MMP16: variants seen among roughly 807,000 people sequenced by gnomAD.
MMP16 encodes the protein matrix metallopeptidase 16, also known as matrix metalloproteinase-16.
Under a neutral mutation model 67.8 loss-of-function variants are expected in MMP16, and 12 were observed. The observed-to-expected ratio is 0.18, with a 90% CI of 0.11 to 0.29. The LOEUF (loss-of-function observed/expected upper bound fraction) is 0.29. MMP16 is among the 10% of genes least tolerant of loss of function. The pLI is 1.00. For synonymous variants in MMP16, 249 were observed against 255.9 expected (o/e 0.97, Z 0.26); for missense variants, 475 against 765.7 (o/e 0.62, Z 4.48).
intron 4 of MMP16, among the ~76,000 whole-genome samples, chr8:88,159,001 C>T (rs11779026): frequency 0.047 from 7,146 of 152,116 alleles, 226 homozygotes; most frequent in Non-Finnish European, 0.079. Context: ...TTTCTGAGGG[C>T]TCTGTTCTGT....
chr8:88,320,169 T>G (rs1811436393), intron 1 of MMP16, among the ~76,000 whole-genome samples: 1 of 152,158 alleles, frequency 6.6e-6, no homozygotes, highest in Non-Finnish European at 1.5e-5. Context: ...TTTACATATT[T>G]TTAAAAGGAA....
chr8:88,133,259 C>T (rs537615805), intron 4 of MMP16, among the ~76,000 whole-genome samples: 41 of 151,892 alleles, frequency 2.7e-4, no homozygotes, highest in African/African-American at 8.9e-4. Context: ...TCAAAATCTG[C>T]TACTTTTCAA....
At chr8:88,172,533 T>C (rs1363678520) in intron 3 of MMP16, among the ~76,000 whole-genome samples, 1 of 152,170 alleles carries the variant, frequency 6.6e-6, no homozygotes, top group African/African-American at 2.4e-5. Context: ...GGTAATAAGA[T>C]TGCTACTAAC....
intron 3 of MMP16, among the ~76,000 whole-genome samples, chr8:88,178,150 C>A (rs1808923338): frequency 6.6e-6 from 1 of 152,002 alleles, no homozygotes; most frequent in Non-Finnish European, 1.5e-5. Flanking sequence ...CCACTTTCAA[C>A]AAAAAATTAC....
chr8:88,223,140 G>A (rs1177994450), intron 1 of MMP16, among the ~76,000 whole-genome samples: 1 of 152,136 alleles, frequency 6.6e-6, no homozygotes, highest in Non-Finnish European at 1.5e-5. Flanking sequence ...AAACCACAAT[G>A]AGATAACATC....
chr8:88,057,958 G>A (rs1274287558), intron 7 of MMP16, among the ~76,000 whole-genome samples: 1 of 151,880 alleles, frequency 6.6e-6, no homozygotes, highest in African/African-American at 2.4e-5. Flanking sequence ...AACTACTGAA[G>A]GCTTGAAAAC....
rs372971888 is a variant in MMP16 at position 88,162,181 on chromosome 8, AAAATTAATAACCAAGT to A, written c.709+5472_709+5487del. Among the ~76,000 whole-genome samples the A allele has an allele frequency of 6.0e-3, 912 of 152,136 alleles. 3 individuals are homozygous for A. The highest frequency in any genetic ancestry group is 0.021 in the African/African-American group (865 of 41,544). On this transcript the variant is annotated intron_variant, in intron 4 of 9. Transcript: ENST00000286614. Reference sequence around the variant, plus strand: ...CTTTCCAACTGCACATAAGGATCTAAAAATTAATAACCAAGTAGAGACTGCGCAGTAATCATGTAAG... The same window carrying A: ...CTTTCCAACTGCACATAAGGATCTAAAGAGACTGCGCAGTAATCATGTAAG...
chr8:88,317,013 G>A (rs1416823801), intron 1 of MMP16, among the ~76,000 whole-genome samples: 1 of 152,132 alleles, frequency 6.6e-6, no homozygotes, highest in Non-Finnish European at 1.5e-5. Flanking sequence ...AAACTTTAAT[G>A]AATGAGGAGG....
intron 1 of MMP16, among the ~76,000 whole-genome samples, chr8:88,201,398 A>C (rs1047010880): frequency 6.6e-6 from 1 of 152,106 alleles, no homozygotes; most frequent in African/African-American, 2.4e-5. Flanking sequence ...GGCAAATGCA[A>C]GTTCCTTGTA....
intron 1 of MMP16, among the ~76,000 whole-genome samples, chr8:88,219,749 G>A (rs1809648395): frequency 6.6e-6 from 1 of 152,102 alleles, no homozygotes; most frequent in East Asian, 1.9e-4. Context: ...TGTGGACATT[G>A]TAGCTTCAAA....
intron 6 of MMP16, among the ~76,000 whole-genome samples, chr8:88,090,252 C>T (rs1275204749): frequency 6.6e-6 from 1 of 151,876 alleles, no homozygotes; most frequent in Non-Finnish European, 1.5e-5. Context: ...ATAGATGAAT[C>T]TTACTTTATG....
At chr8:88,204,748 C>T (rs1334393889) in intron 1 of MMP16, among the ~76,000 whole-genome samples, 1 of 152,000 alleles carries the variant, frequency 6.6e-6, no homozygotes. Context: ...TACTTTATTT[C>T]TAAAAAAGAA....
chr8:88,055,762 AC>A (rs1808324409), intron 8 of MMP16, among the ~76,000 whole-genome samples: 1 of 152,266 alleles, frequency 6.6e-6, no homozygotes, highest in Non-Finnish European at 1.5e-5. Context: ...GTGTGAAAAC[AC>A]AAAAATCCTG....
intron 1 of MMP16, among the ~76,000 whole-genome samples, chr8:88,312,927 T>C (rs1263480325): frequency 1.3e-5 from 2 of 152,102 alleles, no homozygotes; most frequent in African/African-American, 2.4e-5. Flanking sequence ...TGAGCCAAGA[T>C]TGAGCCATTG....
At chr8:88,140,857 A>G (rs1208640327) in intron 4 of MMP16, among the ~76,000 whole-genome samples, 1 of 152,218 alleles carries the variant, frequency 6.6e-6, no homozygotes, top group Non-Finnish European at 1.5e-5. Context: ...TAAAGAAATT[A>G]AGAAATGTAT....
intron 1 of MMP16, among the ~76,000 whole-genome samples, chr8:88,233,509 T>C (rs1429977566): frequency 7.2e-5 from 11 of 152,202 alleles, no homozygotes; most frequent in Admixed American, 7.2e-4. Flanking sequence ...GTTCAGTTCC[T>C]TGATGGTCAG....
chr8:88,326,628 G>T (rs1008158355), intron 1 of MMP16, among the ~76,000 whole-genome samples: 15 of 152,064 alleles, frequency 9.9e-5, no homozygotes, highest in Admixed American at 9.8e-4. Flanking sequence ...CTCTCCTCTA[G>T]ATTCTTTGAT....
At chr8:88,280,764 C>T (rs1278908222) in intron 1 of MMP16, among the ~76,000 whole-genome samples, 1 of 151,992 alleles carries the variant, frequency 6.6e-6, no homozygotes, top group Non-Finnish European at 1.5e-5. Flanking sequence ...TGGTGCCTGT[C>T]GTCCTAGCTA....
intron 1 of MMP16, among the ~76,000 whole-genome samples, chr8:88,240,533 T>C (rs940853064): frequency 4.6e-5 from 7 of 152,186 alleles, no homozygotes; most frequent in Non-Finnish European, 1.0e-4. Context: ...TTATATTTTC[T>C]TCTTAAACTA....
Sources: gnomAD v4.1 joint callset for allele counts (sites outside exome capture counted in the v4.1 genomes callset) on GRCh38, gnomAD v4.1.1 for gene constraint, MANE v1.5 for transcripts, NCBI Gene and HGNC (gene_info 2026-07-23, HGNC 2026-07-21) for gene names.